The following SLC39A11 variants were observed in gnomAD, a reference collection of about 807,000 sequenced individuals.
SLC39A11 encodes solute carrier family 39 member 11.
SLC39A11 carries 33 observed loss-of-function variants against 36.1 expected under a neutral mutation model. The ratio of observed to expected loss-of-function variants is 0.91; its 90% CI spans 0.69 to 1.22. The LOEUF (loss-of-function observed/expected upper bound fraction) is 1.22, where lower values mean the gene tolerates loss of function less well. Ranked by LOEUF, SLC39A11 falls within the 50% of genes most tolerant of loss-of-function variation. The probability of loss-of-function intolerance (pLI) is 0.00; values close to 1 mark genes in which losing one functional copy is unlikely to be tolerated. For missense variants in SLC39A11, 432 were observed against 430.3 expected, an observed-to-expected ratio of 1.00 and a Z score of -0.03; for synonymous variants, 166 against 170.3, an observed-to-expected ratio of 0.97 and a Z score of 0.20.
In SLC39A11 at chr17:72,678,363, G is replaced by A. The variant is rs568130508; in HGVS notation, c.672-29095C>T. Among the ~76,000 whole-genome samples the A allele has an allele frequency of 8.3e-4, 127 of 152,246 alleles. 1 individual carries two copies. Among genetic ancestry groups the A allele is most frequent in the African/African-American group, 2.9e-3 (120 of 41,540 alleles). On this transcript the variant is annotated intron_variant, in intron 7 of 9. Coordinates refer to ENST00000255559, the MANE Select transcript of SLC39A11 (RefSeq NM_139177.4). ...GAGAAGGAGGGTACTAAAGAAATGT[G>A]TAAGAGATGGAAATGTGGAGGCTGG... is the stretch of plus-strand genomic sequence containing the variant.
chr17:73,083,450 G>T (rs2060616774), intron 3 of SLC39A11, among the ~76,000 whole-genome samples: 1 of 152,154 alleles, frequency 6.6e-6, no homozygotes, highest in Admixed American at 6.5e-5. Context: ...TATAAAAACT[G>T]AAGAAAGAAA....
chr17:72,796,911 G>A (rs573415596), intron 6 of SLC39A11, among the ~76,000 whole-genome samples: 1 of 152,236 alleles, frequency 6.6e-6, no homozygotes, highest in Admixed American at 6.5e-5. Flanking sequence ...CAGACGAAAT[G>A]ATGACCGAGA....
intron 2 of SLC39A11, among the ~76,000 whole-genome samples, chr17:73,086,250 T>C (rs573871195): frequency 6.6e-6 from 1 of 152,186 alleles, no homozygotes; most frequent in Non-Finnish European, 1.5e-5. Flanking sequence ...TCAAGCTGCA[T>C]ACTTATATTA....
At chr17:72,948,930 C>T (rs1286480252) in intron 4 of SLC39A11, among the ~76,000 whole-genome samples, 2 of 152,024 alleles carry the variant, frequency 1.3e-5, no homozygotes, top group Non-Finnish European at 2.9e-5. Flanking sequence ...CCCCACTGAC[C>T]ACTTACAAAT....
chr17:72,939,648 C>A (rs906499280), intron 5 of SLC39A11, among the ~76,000 whole-genome samples: 7 of 152,026 alleles, frequency 4.6e-5, no homozygotes, highest in Admixed American at 1.3e-4. Flanking sequence ...ACAATGTGGG[C>A]AGAGATTGAA....
intron 4 of SLC39A11, among the ~76,000 whole-genome samples, chr17:72,948,105 TA>T (rs753010238): frequency 6.6e-6 from 1 of 152,030 alleles, no homozygotes; most frequent in Non-Finnish European, 1.5e-5. Flanking sequence ...CAACACGATC[TA>T]AAAAGTCAGT....
intron 5 of SLC39A11, among the ~76,000 whole-genome samples, chr17:72,903,850 C>T (rs1020877055): frequency 6.6e-6 from 1 of 152,134 alleles, no homozygotes; most frequent in Non-Finnish European, 1.5e-5. Context: ...ACTCAACTGC[C>T]CTTGCCCTAA....
At chr17:73,022,393 G>A (rs374808319) in intron 4 of SLC39A11, among the ~76,000 whole-genome samples, 5 of 152,138 alleles carry the variant, frequency 3.3e-5, no homozygotes, top group African/African-American at 9.6e-5. Context: ...TCAGGAGTTC[G>A]AGACCAGCCT....
At chr17:72,672,237 C>A (rs1009120399) in intron 7 of SLC39A11, among the ~76,000 whole-genome samples, 1 of 152,108 alleles carries the variant, frequency 6.6e-6, no homozygotes, top group African/African-American at 2.4e-5. Context: ...TCACTTCAGG[C>A]CAGGAGTTCG....
chr17:72,781,921 T>A (rs886608932), intron 6 of SLC39A11, among the ~76,000 whole-genome samples: 4 of 151,510 alleles, frequency 2.6e-5, no homozygotes, highest in African/African-American at 9.7e-5. Flanking sequence ...ATAAAAGGAC[T>A]CCTCTGCACT....
intron 5 of SLC39A11, among the ~76,000 whole-genome samples, chr17:72,945,772 C>T (rs1029291339): frequency 1.6e-3 from 249 of 152,268 alleles, no homozygotes; most frequent in African/African-American, 5.7e-3. Context: ...CCAAGAAGAC[C>T]CAGCAGTACC....
chr17:72,648,158 C>T (rs775259294), intron 9 of SLC39A11, among the ~76,000 whole-genome samples: 6 of 151,668 alleles, frequency 4.0e-5, no homozygotes, highest in Non-Finnish European at 5.9e-5. Flanking sequence ...GGCGAAACCC[C>T]GTCTCTACTA....
rs2087591061 is a variant in SLC39A11 at position 72,973,299 on chromosome 17, A to G, written c.307-25424T>C. On this transcript the variant is annotated intron_variant, in intron 4 of 9. Coordinates refer to ENST00000255559, the MANE Select transcript of SLC39A11 (RefSeq NM_139177.4). The stretch of plus-strand genomic sequence containing the variant: ...CCAGGGTCAGCCATCCAGCGGGTAC[A>G]GTGGCCCCAGCACTGCCGGGGGGGC... 3.2e-5 allele frequency among the ~76,000 whole-genome samples: 4 copies of G among 126,394 alleles called. No homozygotes were observed. The South Asian group carries it at 1.1e-3, about 36-fold the overall frequency. The allele number at this position is 126,394 out of a possible 152,430, so 82.9% of individuals were successfully genotyped here.
At chr17:73,036,807 T>C (rs1568166009) in intron 3 of SLC39A11, among the ~76,000 whole-genome samples, 1 of 152,196 alleles carries the variant, frequency 6.6e-6, no homozygotes, top group Non-Finnish European at 1.5e-5. Flanking sequence ...TTTTGACACA[T>C]ATATAATATC....
intron 5 of SLC39A11, among the ~76,000 whole-genome samples, chr17:72,937,229 T>G (rs550512022): frequency 1.9e-4 from 29 of 152,224 alleles, no homozygotes; most frequent in African/African-American, 6.5e-4. Flanking sequence ...TCGCCTGAGC[T>G]CAGGAGTTCA....
intron 6 of SLC39A11, among the ~76,000 whole-genome samples, chr17:72,795,197 G>A (rs192659173): frequency 4.6e-5 from 7 of 152,196 alleles, no homozygotes; most frequent in Non-Finnish European, 7.3e-5. Flanking sequence ...TCCAGGAGGG[G>A]CTTAGCTGGA....
At chr17:72,822,286 T>TTA (rs2077818458) in intron 6 of SLC39A11, among the ~76,000 whole-genome samples, 1 of 146,642 alleles carries the variant, frequency 6.8e-6, no homozygotes, top group Non-Finnish European at 1.5e-5. Context: ...TAGAGAGAGA[T>TTA]TATATATATA....
At chr17:72,697,644 T>C (rs535889847) in intron 7 of SLC39A11, among the ~76,000 whole-genome samples, 10 of 152,236 alleles carry the variant, frequency 6.6e-5, no homozygotes, top group African/African-American at 2.4e-4. Context: ...AGATCACCAG[T>C]GGCAGCTAAG....
intron 6 of SLC39A11, among the ~76,000 whole-genome samples, chr17:72,760,248 G>C (rs991051966): frequency 2.6e-5 from 4 of 152,180 alleles, no homozygotes; most frequent in African/African-American, 9.6e-5. Flanking sequence ...GGCTAGTCTT[G>C]AACTCCTGGC....
Sources: allele counts gnomAD v4.1 joint callset (sites outside exome capture counted in the v4.1 genomes callset), GRCh38; gene constraint gnomAD v4.1.1; transcripts MANE v1.5; gene names NCBI Gene and HGNC (gene_info 2026-07-23, HGNC 2026-07-21).